SLC5A1: variants seen among roughly 807,000 people sequenced by gnomAD.
The protein encoded by SLC5A1 is sodium/glucose cotransporter 1.
In SLC5A1, 42 loss-of-function variants were observed where a neutral mutation model predicts 73.5. The observed-to-expected ratio is 0.57, with a 90% CI of 0.45 to 0.74. The LOEUF (loss-of-function observed/expected upper bound fraction) is 0.74. SLC5A1 is among the 30% of genes least tolerant of loss of function. The pLI is 0.00. For synonymous variants in SLC5A1, 300 were observed against 317.4 expected (o/e 0.95, Z 0.58); for missense variants, 634 against 855.4 (o/e 0.74, Z 3.23).
intron 2 of SLC5A1, among the ~76,000 whole-genome samples, chr22:32,056,469 T>C (rs2093952097): frequency 6.8e-6 from 1 of 146,720 alleles, no homozygotes; most frequent in African/African-American, 2.5e-5. Flanking sequence ...CATAAGTATG[T>C]CCCATGCAAT....
Position 32,086,226 on chromosome 22 carries a change from T to C in SLC5A1, c.1028T>C (p.Ile343Thr), listed in dbSNP as rs774741107. ...GCTCTCCATCTCTTCCCAGAAAAAA[T>C]TGCCTGTGTCGTCCCTTCAGAATGT... ...MISRILYTEK[I>T]ACVVPSECEK... Residue 343 changes from isoleucine to threonine, a missense_variant, in exon 10 of 15, where the codon ATT (isoleucine) becomes ACT (threonine). Transcript: ENST00000266088. 14 of 1,611,174 alleles carry C rather than the reference T, an allele frequency of 8.7e-6. No homozygotes were observed. Among genetic ancestry groups the C allele is most frequent in the African/African-American group, 1.3e-5 (1 of 74,826 alleles).
chr22:32,063,987 C>T (rs1603113048), intron 2 of SLC5A1, among the ~76,000 whole-genome samples: 1 of 152,284 alleles, frequency 6.6e-6, no homozygotes, highest in East Asian at 1.9e-4. Flanking sequence ...TCAGGACAGC[C>T]TGACATTGCT....
intron 10 of SLC5A1, among the ~76,000 whole-genome samples, chr22:32,090,809 C>T (rs1241724349): frequency 6.6e-6 from 1 of 151,442 alleles, no homozygotes; most frequent in Non-Finnish European, 1.5e-5. Context: ...ACTGACTGAC[C>T]CAGACTATTT....
intron 10 of SLC5A1, among the ~76,000 whole-genome samples, chr22:32,090,743 A>G (rs1347986294): frequency 6.8e-6 from 1 of 146,704 alleles, no homozygotes; most frequent in African/African-American, 2.5e-5. Context: ...ATGAAATTCC[A>G]CCTAGGAATG....
chr22:32,110,063 C>T lies in SLC5A1; in HGVS notation c.1845C>T (p.His615=), dbSNP rs33954001. 41 of 1,613,764 alleles carry T rather than the reference C, an allele frequency of 2.5e-5. No individual in the cohort carries two copies. Among genetic ancestry groups the T allele is most frequent in the South Asian group, 3.3e-5 (3 of 91,068 alleles). ...ACCTATTTTGTGGGCTAGAGCAGCA[C>T]GGTGCACCCAAGATGACTGAGGAAG... ...AYDLFCGLEQ[H]GAPKMTEEEE... is the part of the protein sequence containing the mutation. The change falls in exon 15 of 15, where the codon CAC becomes CAT. Residue 615 remains histidine (H), a synonymous_variant. Transcript: ENST00000266088.
intron 2 of SLC5A1, among the ~76,000 whole-genome samples, chr22:32,050,831 A>G (rs1295698965): frequency 6.6e-6 from 1 of 152,246 alleles, no homozygotes; most frequent in African/African-American, 2.4e-5. Flanking sequence ...AGCCTGAGTC[A>G]TGCTTGAGGC....
chr22:32,089,804 C>T (rs914865975), intron 10 of SLC5A1, among the ~76,000 whole-genome samples: 4 of 152,130 alleles, frequency 2.6e-5, no homozygotes, highest in African/African-American at 9.7e-5. Flanking sequence ...GTTACTTTTA[C>T]TCCTGAAACT....
rs199689867 is a variant in SLC5A1 at position 32,083,144 on chromosome 22, G to A, written c.654G>A (p.Leu218=). 2 of 1,614,004 alleles carry A rather than the reference G, an allele frequency of 1.2e-6. No homozygotes were observed. Among genetic ancestry groups the A allele is most frequent in the Non-Finnish European group, 1.7e-6 (2 of 1,180,002 alleles). ...TVIMLVGSLI[L]TGFAFHEVGG... The stretch of plus-strand genomic sequence containing the variant: ...TCATGCTGGTGGGGTCTTTAATCCT[G>A]ACTGGGTTTGGTAAGTGGGGCCAGG... Residue 218 remains leucine (L), a synonymous_variant, in exon 7 of 15, where the codon CTG becomes CTA. Transcript: ENST00000266088.
intron 13 of SLC5A1, 125 bp from the exon 14 acceptor site, chr22:32,104,661 T>C: frequency 2.7e-6 from 2 of 728,314 alleles, no homozygotes; most frequent in Non-Finnish European, 5.0e-6. Context: ...GTTGTGTATG[T>C]TCTTCCTGGT....
Position 32,091,660 on chromosome 22 carries a change from C to T in SLC5A1, c.1178C>T (p.Ser393Phe), listed in dbSNP as rs200304934. ...GTCATGCTGGCCTCCCTCATGAGCT[C>T]CCTGACCTCCATCTTCAACAGCGCC... is the stretch of plus-strand genomic sequence containing the variant. The part of the protein sequence containing the change: ...LSVMLASLMS[S>F]LTSIFNSAST... Residue 393 changes from serine (S) to phenylalanine (F), a missense_variant, in exon 11 of 15, where the codon TCC becomes TTC. By Grantham distance (155) the Ser-to-Phe change is radical. Transcript: ENST00000266088. 1.2e-6 allele frequency: 2 copies of T among 1,614,144 alleles called. No individual in the cohort carries two copies. The highest frequency in any genetic ancestry group is 1.1e-5 in the South Asian group (1 of 91,080).
At position 32,102,089 on chromosome 22, in the gene SLC5A1, A is replaced by G; in HGVS notation, c.1517A>G (p.Tyr506Cys). 1 of 1,614,086 alleles carries G rather than the reference A, an allele frequency of 6.2e-7. No homozygotes were observed. The highest frequency in any genetic ancestry group is 8.5e-7 in the Non-Finnish European group (1 of 1,180,016). ...GISRMITEFA[Y>C]GTGSCMEPSN... ...TCACGTATGATTACTGAGTTTGCTT[A>G]TGGAACCGGGAGCTGCATGGAGCCC... Residue 506 changes from tyrosine (Y) to cysteine (C), a missense_variant, in exon 13 of 15, where the codon TAT becomes TGT. This residue lies in a region of SLC5A1 where 422 missense variants were observed against 626.1 expected (regional missense o/e 0.67). Coordinates refer to ENST00000266088, the MANE Select transcript of SLC5A1 (RefSeq NM_000343.4).
rs184368236 is a variant in SLC5A1, at chr22:32,093,862, G to C, written c.1280+2100G>C. ...TTCTTTTGTCTGATTGCTCTGGCTA[G>C]GACTTCCAGTACTATGTTGAATACA... On this transcript the variant is annotated intron_variant, in intron 11 of 14. Transcript: ENST00000266088. Among the ~76,000 whole-genome samples, 26 of 152,262 alleles carry C rather than the reference G, an allele frequency of 1.7e-4. No individual in the cohort carries two copies. In the East Asian group the frequency reaches 5.0e-3, roughly 29 times the overall value.
Position 32,111,501 on chromosome 22 carries a change from A to G in SLC5A1, c.*1288A>G, listed in dbSNP as rs1038622354. The G allele has an allele frequency of 6.6e-6, 1 of 152,196 alleles. No homozygotes were observed. Among genetic ancestry groups the G allele is most frequent in the African/African-American group, 2.4e-5 (1 of 41,448 alleles). The allele number at this position is 152,196 out of a possible 1,614,324, so 9.4% of individuals were successfully genotyped here. On this transcript the variant is annotated 3_prime_UTR_variant, in exon 15 of 15. Coordinates refer to ENST00000266088, the MANE Select transcript of SLC5A1 (RefSeq NM_000343.4). Reference sequence around the variant, plus strand: ...TGAGTCTTGAAGAGATACTAAACAAACCCACAACACAGATAAAGTATGCAT... The same window carrying G: ...TGAGTCTTGAAGAGATACTAAACAAGCCCACAACACAGATAAAGTATGCAT...
intron 2 of SLC5A1, among the ~76,000 whole-genome samples, chr22:32,060,055 A>G (rs1355875260): frequency 1.4e-5 from 2 of 140,906 alleles, no homozygotes; most frequent in African/African-American, 5.9e-5. Context: ...ACACACACAT[A>G]TATACACACA....
intron 11 of SLC5A1, among the ~76,000 whole-genome samples, chr22:32,096,815 C>T (rs1427461925): frequency 7.9e-5 from 12 of 152,062 alleles, no homozygotes; most frequent in Admixed American, 7.9e-4. Context: ...GGAAAGTTTC[C>T]CAGTGAGTGC....
chr22:32,107,803 A>C (rs1262368659), intron 14 of SLC5A1, among the ~76,000 whole-genome samples: 1 of 152,076 alleles, frequency 6.6e-6, no homozygotes, highest in Non-Finnish European at 1.5e-5. Context: ...AGCACAATAA[A>C]CTAAGCTATC....
chr22:32,053,892 C>T (rs909338783), intron 2 of SLC5A1, among the ~76,000 whole-genome samples: 7 of 152,156 alleles, frequency 4.6e-5, no homozygotes, highest in Non-Finnish European at 1.0e-4. Flanking sequence ...AATTGTTTCT[C>T]AGCCGGGTGC....
At chr22:32,091,801 A>T (rs1044632654) in intron 11 of SLC5A1, 39 bp downstream of exon 11, 1 of 1,609,432 alleles carries the variant, frequency 6.2e-7, no homozygotes, top group Non-Finnish European at 8.5e-7. Flanking sequence ...AGCTTGAATG[A>T]TCAGAGAGGT....
rs35309167 is a variant in SLC5A1, at chr22:32,048,150, T to TAA, written c.136-1774_136-1773dup. Among the ~76,000 whole-genome samples, 138 of 96,488 alleles carry TAA rather than the reference T, an allele frequency of 1.4e-3. 1 individual carries two copies. The highest frequency in any genetic ancestry group is 4.6e-3 in the African/African-American group (120 of 26,036). The allele number at this position is 96,488 out of a possible 152,430, so 63.3% of individuals were successfully genotyped here. ...CTGGGCAACAGAATGAGACTCCATG[T>TAA]AAAAAAAAAAAAAAAAAAAAGGTGC... On this transcript the variant is annotated intron_variant, in intron 1 of 14. Coordinates refer to ENST00000266088, the MANE Select transcript of SLC5A1 (RefSeq NM_000343.4).
Sources: gnomAD v4.1 joint callset for allele counts (sites outside exome capture counted in the v4.1 genomes callset) on GRCh38, gnomAD v4.1.1 for gene constraint, gnomAD v4.1.1 regional missense constraint, MANE v1.5 for transcripts, NCBI Gene and HGNC (gene_info 2026-07-23, HGNC 2026-07-21) for gene names.